FBRSL1: variants seen among roughly 807,000 people sequenced by gnomAD.
FBRSL1 encodes fibrosin like 1.
FBRSL1 carries 51 observed loss-of-function variants against 89.6 expected under a neutral mutation model. The observed-to-expected ratio is 0.57, with a 90% CI of 0.45 to 0.72. FBRSL1 has a LOEUF of 0.72. Ranked by LOEUF, FBRSL1 falls within the 30% of genes least tolerant of loss-of-function variation. FBRSL1 has a pLI of 0.00. For missense variants in FBRSL1, 1,618 were observed against 1,451.8 expected (o/e 1.11, Z -1.86); for synonymous variants, 779 against 681.1 (o/e 1.14, Z -2.24).
chr12:132,552,426 G>C (rs2038250794), intron 5 of FBRSL1: 1 of 155,824 alleles, frequency 6.4e-6, no homozygotes, highest in East Asian at 1.9e-4. Flanking sequence ...CAGACAGAAG[G>C]ATGGATGGAC....
Position 132,536,058 on chromosome 12 carries a change from C to T in FBRSL1, c.615+8070C>T, listed in dbSNP as rs184085624. Among the ~76,000 whole-genome samples, 1,785 of 150,168 alleles carry T rather than the reference C, an allele frequency of 0.012. 45 individuals are homozygous for T. In the East Asian group the frequency reaches 0.12, roughly 10 times the overall value. The stretch of plus-strand genomic sequence containing the variant: ...CATGTACATGACAGTGTGTGTGCCA[C>T]GTGTGCATGATAGTGTGTTCTGTGT... On this transcript the variant is annotated intron_variant, in intron 4 of 18. Coordinates refer to ENST00000680143, the MANE Select transcript of FBRSL1 (RefSeq NM_001367871.1).
At chr12:132,526,675 G>T (rs1045861018) in intron 3 of FBRSL1, among the ~76,000 whole-genome samples, 7 of 152,274 alleles carry the variant, frequency 4.6e-5, no homozygotes, top group South Asian at 2.1e-4. Context: ...GGAGAGTGGA[G>T]GACTGCCGTC....
intron 11 of FBRSL1, among the ~76,000 whole-genome samples, chr12:132,573,343 C>T (rs1169876967): frequency 1.3e-5 from 2 of 152,164 alleles, no homozygotes; most frequent in East Asian, 1.9e-4. Context: ...CTGGGCTCCC[C>T]TGGGGCACCG....
intron 13 of FBRSL1, 67 bp from the exon 14 acceptor site, chr12:132,574,426 C>G: frequency 6.5e-7 from 1 of 1,548,038 alleles, no homozygotes; most frequent in Non-Finnish European, 8.7e-7. Context: ...CCCGTGACAG[C>G]AGGAGTCTGC....
chr12:132,581,920 C>T, intron 17 of FBRSL1, 96 bp downstream of exon 17: 2 of 1,345,228 alleles, frequency 1.5e-6, no homozygotes, highest in Non-Finnish European at 1.0e-6. Context: ...GCTGACCTCC[C>T]TCCTCTCTGG....
intron 1 of FBRSL1, among the ~76,000 whole-genome samples, chr12:132,498,427 G>T (rs1180644983): frequency 1.3e-5 from 2 of 152,180 alleles, no homozygotes. Context: ...GTCGAGGACC[G>T]CAGCAGAGTG....
rs553781753 is a variant in FBRSL1, at chr12:132,529,287, C to G, written c.615+1299C>G. On this transcript the variant is annotated intron_variant, in intron 4 of 18. Coordinates refer to ENST00000680143, the MANE Select transcript of FBRSL1 (RefSeq NM_001367871.1). ...GGACACAGCCTGGTGGGGACGGCCC[C>G]CCACTGTCTCTGTCCCACAGCTTCT... is the stretch of plus-strand genomic sequence containing the variant. Among the ~76,000 whole-genome samples the G allele has an allele frequency of 5.9e-5, 9 of 152,336 alleles. No individual in the cohort carries two copies. The South Asian group carries it at 1.7e-3, about 28-fold the overall frequency.
intron 5 of FBRSL1, among the ~76,000 whole-genome samples, chr12:132,548,842 C>T (rs978449291): frequency 2.6e-5 from 4 of 152,206 alleles, no homozygotes; most frequent in South Asian, 2.1e-4. Context: ...GCCTCAGGGA[C>T]GGCCCTGCAG....
At chr12:132,492,189 C>G (rs1205300245) in intron 1 of FBRSL1, among the ~76,000 whole-genome samples, 3 of 152,334 alleles carry the variant, frequency 2.0e-5, no homozygotes, top group Non-Finnish European at 4.4e-5. Flanking sequence ...CGCCACCCAC[C>G]TGCACCTCCT....
chr12:132,543,369 GGGGCCA>G (rs2137241069), intron 4 of FBRSL1, among the ~76,000 whole-genome samples: 1 of 152,316 alleles, frequency 6.6e-6, no homozygotes, highest in East Asian at 1.9e-4. Context: ...GTGAAGCAGT[GGGGCCA>G]GGACCCGCCC....
chr12:132,562,266 C>T (rs1394724252), intron 5 of FBRSL1, among the ~76,000 whole-genome samples: 1 of 152,136 alleles, frequency 6.6e-6, no homozygotes, highest in Non-Finnish European at 1.5e-5. Context: ...CCCTGGCTTC[C>T]CAGGGGTGAG....
chr12:132,544,463 C>T (rs1217971750), intron 4 of FBRSL1, among the ~76,000 whole-genome samples: 4 of 152,192 alleles, frequency 2.6e-5, no homozygotes, highest in African/African-American at 9.7e-5. Flanking sequence ...CTAAGAGACT[C>T]TAAAACTCCC....
At chr12:132,511,569 C>G (rs1326052779) in intron 2 of FBRSL1, 1 of 985,578 alleles carries the variant, frequency 1.0e-6, no homozygotes, top group Admixed American at 6.1e-5. Flanking sequence ...TGGGCAGGCT[C>G]TAACCAGTGG....
chr12:132,569,821 C>A, intron 6 of FBRSL1, 105 bp from the exon 7 acceptor site: 2 of 850,786 alleles, frequency 2.4e-6, no homozygotes, highest in Non-Finnish European at 3.2e-6. Flanking sequence ...ATAGCCGGAG[C>A]CCAGACATAG....
intron 2 of FBRSL1, among the ~76,000 whole-genome samples, chr12:132,513,660 C>G (rs151283956): frequency 3.3e-5 from 5 of 152,174 alleles, no homozygotes; most frequent in Admixed American, 6.5e-5. Flanking sequence ...TGGGAGAGGC[C>G]GAGGCGTGTT....
chr12:132,551,056 T>A (rs2038118701), intron 5 of FBRSL1: 1 of 291,588 alleles, frequency 3.4e-6, no homozygotes, highest in Non-Finnish European at 6.9e-6. Flanking sequence ...CAGATCTCTG[T>A]CCCTGGGCAC....
chr12:132,533,829 A>G (rs2036500794), intron 4 of FBRSL1, among the ~76,000 whole-genome samples: 3 of 152,172 alleles, frequency 2.0e-5, no homozygotes, highest in African/African-American at 7.2e-5. Context: ...CAGAGGGGAG[A>G]GGAGCCAGTC....
At chr12:132,578,368 A>ACACACACACAC (rs1566244750) in intron 15 of FBRSL1, among the ~76,000 whole-genome samples, 9 of 26,550 alleles carry the variant, frequency 3.4e-4, no homozygotes, top group African/African-American at 7.2e-4. Flanking sequence ...CACACACACA[A>ACACACACACAC]AATCATAGAG....
intron 1 of FBRSL1, among the ~76,000 whole-genome samples, chr12:132,496,480 G>C (rs10870579): frequency 0.19 from 28,568 of 152,114 alleles, 2,942 homozygotes; most frequent in Middle Eastern, 0.29. Flanking sequence ...GTGTTTTCTG[G>C]CTGGTTGTTG....
Sources: gnomAD v4.1 joint callset for allele counts (sites outside exome capture counted in the v4.1 genomes callset) on GRCh38, gnomAD v4.1.1 for gene constraint, MANE v1.5 for transcripts, NCBI Gene and HGNC (gene_info 2026-07-23, HGNC 2026-07-21) for gene names.